The following SIL1 variants were observed in gnomAD, a reference collection of about 807,000 sequenced individuals.
SIL1 encodes the protein SIL1 nucleotide exchange factor, also known as nucleotide exchange factor SIL1.
Under a neutral mutation model 49.1 loss-of-function variants are expected in SIL1, and 40 were observed. The ratio of observed to expected loss-of-function variants is 0.81; its 90% CI spans 0.63 to 1.06. The LOEUF (loss-of-function observed/expected upper bound fraction) is 1.06. SIL1 is among the 50% of genes least tolerant of loss of function. The probability of loss-of-function intolerance (pLI) is 0.00; values close to 1 mark genes in which losing one functional copy is unlikely to be tolerated. For missense variants in SIL1, 500 were observed against 572.6 expected, an observed-to-expected ratio of 0.87 and a Z score of 1.29; for synonymous variants, 253 against 250.8, an observed-to-expected ratio of 1.01 and a Z score of -0.08.
At chr5:139,118,356 C>T (rs1164650692) in intron 3 of SIL1, among the ~76,000 whole-genome samples, 1 of 152,190 alleles carries the variant, frequency 6.6e-6, no homozygotes, top group Non-Finnish European at 1.5e-5. Context: ...GAATTTACCA[C>T]TGAAAATCAG....
At chr5:139,152,857 C>T (rs973979252) in intron 1 of SIL1, among the ~76,000 whole-genome samples, 11 of 152,142 alleles carry the variant, frequency 7.2e-5, no homozygotes, top group African/African-American at 2.7e-4. Context: ...TCTTGTTGCC[C>T]AGGCTAGAGT....
At chr5:139,186,691 G>A (rs1752082292) in intron 1 of SIL1, among the ~76,000 whole-genome samples, 1 of 152,186 alleles carries the variant, frequency 6.6e-6, no homozygotes, top group African/African-American at 2.4e-5. Flanking sequence ...AACACAGGAG[G>A]CTAAACTGGC....
At chr5:139,184,521 A>T (rs1379831635) in intron 1 of SIL1, among the ~76,000 whole-genome samples, 5 of 152,206 alleles carry the variant, frequency 3.3e-5, no homozygotes, top group East Asian at 1.9e-4. Flanking sequence ...AAAAAATTTT[A>T]AAAAATTAGC....
chr5:139,007,526 C>G (rs1164686186), intron 7 of SIL1, among the ~76,000 whole-genome samples: 14 of 92,252 alleles, frequency 1.5e-4, no homozygotes, highest in African/African-American at 8.3e-4. Flanking sequence ...AGAGGGCATC[C>G]CTGTCTTGTG....
intron 1 of SIL1, among the ~76,000 whole-genome samples, chr5:139,160,702 C>T (rs1462452289): frequency 1.3e-5 from 2 of 152,120 alleles, no homozygotes; most frequent in African/African-American, 2.4e-5. Flanking sequence ...TGGTGGCACA[C>T]ACCTGTAGTC....
intron 1 of SIL1, among the ~76,000 whole-genome samples, chr5:139,156,408 A>AG (rs1554136252): frequency 6.6e-6 from 1 of 151,704 alleles, no homozygotes; most frequent in African/African-American, 2.4e-5. Context: ...ATTAAAAAAA[A>AG]AAGAAGCCAG....
intron 7 of SIL1, among the ~76,000 whole-genome samples, chr5:139,009,617 T>C (rs985351568): frequency 6.6e-6 from 1 of 150,978 alleles, no homozygotes; most frequent in Non-Finnish European, 1.5e-5. Context: ...TTCCTTTCCA[T>C]GTTTAGCGCT....
intron 3 of SIL1, among the ~76,000 whole-genome samples, chr5:139,101,442 T>G (rs1027005215): frequency 6.6e-6 from 1 of 152,234 alleles, no homozygotes; most frequent in African/African-American, 2.4e-5. Context: ...ACTACCAACG[T>G]TGAACTTAAT....
intron 3 of SIL1, 73 bp downstream of exon 3, chr5:139,120,962 C>A: frequency 1.3e-6 from 2 of 1,580,514 alleles, no homozygotes; most frequent in East Asian, 2.2e-5. Context: ...GAAGGAGCAG[C>A]CCTCTGGGGA....
chr5:138,997,142 C>T (rs908802181), intron 7 of SIL1, among the ~76,000 whole-genome samples: 2 of 152,128 alleles, frequency 1.3e-5, no homozygotes, highest in Admixed American at 6.5e-5. Flanking sequence ...GTTGCCCAGG[C>T]TGGTCTCAAA....
chr5:138,981,259 TAAG>T (rs1212797511), intron 7 of SIL1, among the ~76,000 whole-genome samples: 2 of 150,340 alleles, frequency 1.3e-5, no homozygotes, highest in African/African-American at 2.4e-5. Flanking sequence ...CTGTCTCCAG[TAAG>T]AAGGAGATTT....
chr5:138,970,590 A>T (rs1426745713), intron 7 of SIL1, among the ~76,000 whole-genome samples: 1 of 152,188 alleles, frequency 6.6e-6, no homozygotes. Context: ...TAATGTGCCA[A>T]GGCCCTCTCT....
intron 7 of SIL1, among the ~76,000 whole-genome samples, chr5:139,002,270 G>T (rs1223514410): frequency 6.6e-6 from 1 of 151,888 alleles, no homozygotes; most frequent in Admixed American, 6.6e-5. Flanking sequence ...ACCTCCGGGG[G>T]TGAACAAAGG....
chr5:139,190,667 G>C (rs981691800), intron 1 of SIL1, among the ~76,000 whole-genome samples: 1 of 152,182 alleles, frequency 6.6e-6, no homozygotes, highest in Admixed American at 6.5e-5. Flanking sequence ...AGTTTTTGTC[G>C]TCAGAAAAAT....
At chr5:139,128,970 A>G (rs1750807919) in intron 1 of SIL1, among the ~76,000 whole-genome samples, 1 of 152,232 alleles carries the variant, frequency 6.6e-6, no homozygotes, top group South Asian at 2.1e-4. Flanking sequence ...AACATGGCAC[A>G]ACCCCATCTC....
At chr5:138,993,391 G>A (rs1372825606) in intron 7 of SIL1, among the ~76,000 whole-genome samples, 1 of 152,042 alleles carries the variant, frequency 6.6e-6, no homozygotes, top group Non-Finnish European at 1.5e-5. Flanking sequence ...TGTTTACATG[G>A]AAAAAATAAA....
rs1246560669 is a variant in SIL1, at chr5:139,023,407, A to T, written c.646-2115T>A. Among the ~76,000 whole-genome samples, 1,057 of 152,296 alleles carry T rather than the reference A, an allele frequency of 6.9e-3. 12 individuals are homozygous for T. Among genetic ancestry groups the T allele is most frequent in the African/African-American group, 0.02 (814 of 41,572 alleles). ...CCAACACCCTGGAGGAAAGGAAAGAAGCAGGGCACTGATAAGACAATGAGA... is the reference window on the plus strand; with the variant it reads ...CCAACACCCTGGAGGAAAGGAAAGATGCAGGGCACTGATAAGACAATGAGA... On this transcript the variant is annotated intron_variant, in intron 6 of 9. Coordinates refer to ENST00000394817, the MANE Select transcript of SIL1 (RefSeq NM_022464.5).
chr5:139,141,723 T>C (rs980130614), intron 1 of SIL1, among the ~76,000 whole-genome samples: 9 of 152,204 alleles, frequency 5.9e-5, no homozygotes, highest in Admixed American at 5.9e-4. Flanking sequence ...CATACATATG[T>C]AAATTACTAC....
At chr5:139,004,751 C>A (rs1332618281) in intron 7 of SIL1, among the ~76,000 whole-genome samples, 1 of 152,048 alleles carries the variant, frequency 6.6e-6, no homozygotes, top group South Asian at 2.1e-4. Flanking sequence ...GATGTACACA[C>A]ACAATGGAGT....
Sources: gnomAD v4.1 joint callset for allele counts (sites outside exome capture counted in the v4.1 genomes callset) on GRCh38, gnomAD v4.1.1 for gene constraint, MANE v1.5 for transcripts, NCBI Gene and HGNC (gene_info 2026-07-23, HGNC 2026-07-21) for gene names.